The following SMAD2 variants were observed in gnomAD, a reference collection of about 807,000 sequenced individuals.
SMAD2 encodes MAD homolog 2.
A neutral mutation model predicts 64.4 loss-of-function variants in SMAD2; 8 were observed. The ratio of observed to expected loss-of-function variants is 0.12; its 90% confidence interval spans 0.07 to 0.22. SMAD2 has a LOEUF of 0.22. SMAD2 is among the 10% of genes least tolerant of loss of function. SMAD2 has a pLI of 1.00. For synonymous variants in SMAD2, 203 were observed against 195.8 expected, an observed-to-expected ratio of 1.04 and a Z score of -0.31; for missense variants, 289 against 561.2, an observed-to-expected ratio of 0.51 and a Z score of 4.90.
chr18:47,850,837 GTA>G (rs2029959244), intron 7 of SMAD2, among the ~76,000 whole-genome samples: 1 of 5,546 alleles, frequency 1.8e-4, no homozygotes, highest in African/African-American at 8.7e-4. Flanking sequence ...TATATATTAT[GTA>G]TATTATATAT....
At chr18:47,916,273 T>C (rs2034330637) in intron 1 of SMAD2, among the ~76,000 whole-genome samples, 1 of 152,240 alleles carries the variant, frequency 6.6e-6, no homozygotes, top group African/African-American at 2.4e-5. Flanking sequence ...AAATAATTTT[T>C]CTGTAACATT....
At chr18:47,911,826 A>G (rs541333547) in intron 1 of SMAD2, among the ~76,000 whole-genome samples, 2 of 152,366 alleles carry the variant, frequency 1.3e-5, no homozygotes, top group Non-Finnish European at 1.5e-5. Flanking sequence ...GATAAAATAA[A>G]GCAAATACAC....
rs1020596473 is a variant in SMAD2 at position 47,818,903 on chromosome 18, C to G, written c.*22924G>C. Reference sequence around the variant, plus strand: ...AATATAATTTGAATCCAATAACTGTCTTTTATAAACCAGCAAGCCTGTATT... The same window carrying G: ...AATATAATTTGAATCCAATAACTGTGTTTTATAAACCAGCAAGCCTGTATT... On this transcript the variant is annotated 3_prime_UTR_variant, in exon 11 of 11. Coordinates refer to ENST00000262160, the MANE Select transcript of SMAD2 (RefSeq NM_005901.6). 3 of 152,182 alleles carry G rather than the reference C, an allele frequency of 2.0e-5. No individual in the cohort carries two copies. Among genetic ancestry groups the G allele is most frequent in the Non-Finnish European group, 2.9e-5 (2 of 68,038 alleles). The allele number at this position is 152,182 out of a possible 1,614,324, so 9.4% of individuals were successfully genotyped here.
chr18:47,837,575 AAAAAC>A lies in SMAD2; in HGVS notation c.*4247_*4251del, dbSNP rs1913545219. ...AGACTCCCTCTCAAAAAAAAAAAAA[AAAAAC>A]AAAAAACAAGGCTAACAAGAAAGAG... On this transcript the variant is annotated 3_prime_UTR_variant, in exon 11 of 11. Transcript: ENST00000262160. 8.8e-6 allele frequency: 2 copies of A among 227,926 alleles called. No individual in the cohort carries two copies. Among genetic ancestry groups the A allele is most frequent in the East Asian group, 6.5e-5 (1 of 15,422 alleles). 14.1% of individuals were successfully genotyped at this position (227,926 alleles called of 1,614,324 possible).
At chr18:47,842,433 G>A (rs148458237) in intron 10 of SMAD2, among the ~76,000 whole-genome samples, 2,606 of 152,090 alleles carry the variant, frequency 0.017, 67 homozygotes, top group African/African-American at 0.059. Context: ...CCAGCTACTC[G>A]GGAGGCTGAG....
chr18:47,827,679 G>C lies in SMAD2; in HGVS notation c.*14148C>G, dbSNP rs370247195. 6.3e-6 allele frequency: 1 copy of C among 157,784 alleles called. No individual in the cohort carries two copies. The highest frequency in any genetic ancestry group is 1.4e-5 in the Non-Finnish European group (1 of 71,948). The allele number at this position is 157,784 out of a possible 1,614,324, so 9.8% of individuals were successfully genotyped here. A position where few individuals can be genotyped will look rare whatever the true frequency, so the allele number is the denominator to read the frequency against. ...TATTTTTTGGTGGAGACGGGGTTTC[G>C]CCGTGTTGGCCAGGCTGGTCTCCAG... On this transcript the variant is annotated 3_prime_UTR_variant, in exon 11 of 11. Transcript: ENST00000262160.
rs148299845 is a variant in SMAD2 at position 47,845,065 on chromosome 18, C to G, written c.1280+275G>C. On this transcript the variant is annotated intron_variant, in intron 10 of 10. Transcript: ENST00000262160. ...GTGCAAACATCTCTCCTTCCATAAA[C>G]TGACATAACCCTTCATATACACCCC... 5.7e-5 allele frequency: 33 copies of G among 583,280 alleles called. No homozygotes were observed. The African/African-American group carries it at 6.0e-4, about 11-fold the overall frequency. The allele number at this position is 583,280 out of a possible 1,614,324, so 36.1% of individuals were successfully genotyped here.
rs1912906264 is a variant in SMAD2 at position 47,829,562 on chromosome 18, T to TA, written c.*12264_*12265insT. On this transcript the variant is annotated 3_prime_UTR_variant, in exon 11 of 11. Coordinates refer to ENST00000262160, the MANE Select transcript of SMAD2 (RefSeq NM_005901.6). ...TTGTAATTTTGATTCTGAAAAAATA[T>TA]TTAAAGTAATCAATTAGGTATTCTA... is the stretch of plus-strand genomic sequence containing the variant. The TA allele has an allele frequency of 6.6e-6, 1 of 152,176 alleles. No homozygotes were observed. Among genetic ancestry groups the TA allele is most frequent in the African/African-American group, 2.4e-5 (1 of 41,440 alleles). The allele number at this position is 152,176 out of a possible 1,614,324, so 9.4% of individuals were successfully genotyped here.
chr18:47,845,307 T>C, intron 10 of SMAD2, 33 bp downstream of exon 10: 2 of 1,597,234 alleles, frequency 1.3e-6, no homozygotes, highest in Non-Finnish European at 1.7e-6. Context: ...AATTACACTG[T>C]GGAAATTTAA....
intron 2 of SMAD2, among the ~76,000 whole-genome samples, chr18:47,891,006 A>G (rs1421173986): frequency 1.3e-5 from 2 of 152,236 alleles, no homozygotes; most frequent in South Asian, 2.1e-4. Flanking sequence ...TCTGATGTTT[A>G]AAAGTCTGTA....
chr18:47,850,263 AATATATATTATATATT>A (rs1915055032), intron 7 of SMAD2, among the ~76,000 whole-genome samples: 2 of 78,406 alleles, frequency 2.6e-5, no homozygotes, highest in Non-Finnish European at 4.3e-5. Context: ...TATTATGTAT[AATATATATTATATATT>A]ATATATATTA....
rs1009814171 is a variant in SMAD2, at chr18:47,836,081, T to C, written c.*5746A>G. 9.3e-6 allele frequency: 2 copies of C among 215,346 alleles called. No homozygotes were observed. The highest frequency in any genetic ancestry group is 4.5e-5 in the African/African-American group (2 of 44,280). 13.3% of individuals were successfully genotyped at this position (215,346 alleles called of 1,614,324 possible). A position where few individuals can be genotyped will look rare whatever the true frequency, so the allele number is the denominator to read the frequency against. Reference sequence around the variant, plus strand: ...AACTGGCACTGAAGTTAAGTTAATATACTCCAGCGAGATCACCTGTGGGTC... The same window carrying C: ...AACTGGCACTGAAGTTAAGTTAATACACTCCAGCGAGATCACCTGTGGGTC... On this transcript the variant is annotated 3_prime_UTR_variant, in exon 11 of 11. Transcript: ENST00000262160.
In SMAD2 at chr18:47,913,384, T is replaced by TGGCCACA. The variant is rs2034217310; in HGVS notation, c.-53-16576_-53-16575insTGTGGCC. On this transcript the variant is annotated intron_variant, in intron 1 of 10. Transcript: ENST00000262160. ...ATCTGAATGGCCACATGACCTGGTATTGCCACATGATTTCAGTGTCCCATG... is the reference window on the plus strand; with the variant it reads ...ATCTGAATGGCCACATGACCTGGTATGGCCACATGCCACATGATTTCAGTGTCCCATG... Among the ~76,000 whole-genome samples the TGGCCACA allele has an allele frequency of 3.9e-5, 6 of 152,246 alleles. 1 individual carries two copies. The highest frequency in any genetic ancestry group is 3.9e-4 in the Admixed American group (6 of 15,292).
chr18:47,905,965 C>CA (rs1344646152), intron 1 of SMAD2, among the ~76,000 whole-genome samples: 14 of 151,250 alleles, frequency 9.3e-5, no homozygotes, highest in East Asian at 5.8e-4. Flanking sequence ...ACAAAAAATA[C>CA]AAAAAAAATA....
At chr18:47,903,544 C>A (rs1440244220) in intron 1 of SMAD2, among the ~76,000 whole-genome samples, 1 of 152,076 alleles carries the variant, frequency 6.6e-6, no homozygotes, top group African/African-American at 2.4e-5. Context: ...TTATTTACTT[C>A]AATCTCCATT....
chr18:47,850,860 A>T (rs1338041582), intron 7 of SMAD2, among the ~76,000 whole-genome samples: 4 of 75,244 alleles, frequency 5.3e-5, no homozygotes, highest in Non-Finnish European at 7.6e-5. Context: ...TATATATATT[A>T]TATATATTAT....
At chr18:47,881,978 A>G (rs1385946423) in intron 2 of SMAD2, among the ~76,000 whole-genome samples, 1 of 148,772 alleles carries the variant, frequency 6.7e-6, no homozygotes, top group Non-Finnish European at 1.5e-5. Context: ...CCTGGGTCCA[A>G]GTAACCCTCC....
intron 6 of SMAD2, among the ~76,000 whole-genome samples, chr18:47,855,767 G>A (rs752069152): frequency 6.6e-6 from 1 of 152,060 alleles, no homozygotes; most frequent in Admixed American, 6.5e-5. Flanking sequence ...GACCACAGGT[G>A]TGTACCAACA....
At chr18:47,873,624 A>G (rs1288685109) in intron 2 of SMAD2, among the ~76,000 whole-genome samples, 1 of 152,224 alleles carries the variant, frequency 6.6e-6, no homozygotes, top group East Asian at 1.9e-4. Context: ...CAGTAATGGC[A>G]GAGCAGCCTC....
Sources: gnomAD v4.1 joint callset for allele counts (sites outside exome capture counted in the v4.1 genomes callset) on GRCh38, gnomAD v4.1.1 for gene constraint, MANE v1.5 for transcripts, NCBI Gene and HGNC (gene_info 2026-07-23, HGNC 2026-07-21) for gene names.